The following PLAG1 variants were observed in gnomAD, a reference collection of about 807,000 sequenced individuals.
PLAG1 encodes zinc finger protein PLAG1.
Under a neutral mutation model 35.5 loss-of-function variants are expected in PLAG1, and 7 were observed. The observed-to-expected ratio is 0.20, with a 90% CI of 0.11 to 0.37. The LOEUF (loss-of-function observed/expected upper bound fraction) is 0.37. Ranked by LOEUF, PLAG1 falls within the 10% of genes least tolerant of loss-of-function variation. The pLI, the probability that PLAG1 is intolerant of heterozygous loss-of-function variation, is 1.00. For missense variants in PLAG1, 454 were observed against 602.8 expected, an observed-to-expected ratio of 0.75 and a Z score of 2.58; for synonymous variants, 229 against 225.4, an observed-to-expected ratio of 1.02 and a Z score of -0.14.
chr8:56,177,559 T>C (rs764593171), intron 2 of PLAG1, among the ~76,000 whole-genome samples: 1 of 152,162 alleles, frequency 6.6e-6, no homozygotes, highest in Non-Finnish European at 1.5e-5. Context: ...GGAAAGCTCT[T>C]CTTGAAATGA....
intron 1 of PLAG1, among the ~76,000 whole-genome samples, chr8:56,191,668 C>A (rs1243458847): frequency 5.3e-5 from 8 of 151,728 alleles, no homozygotes; most frequent in African/African-American, 1.9e-4. Context: ...AATAATTACT[C>A]CCTTAATTTA....
intron 1 of PLAG1, among the ~76,000 whole-genome samples, chr8:56,183,739 G>GT (rs1464355085): frequency 6.6e-6 from 1 of 151,922 alleles, no homozygotes; most frequent in Non-Finnish European, 1.5e-5. Context: ...CAAAAATAAT[G>GT]TTTTTTTAAC....
At position 56,171,093 on chromosome 8, in the gene PLAG1, G is replaced by T. The variant is rs1452746317; in HGVS notation, c.-120C>A. 5.5e-6 allele frequency: 5 copies of T among 910,864 alleles called. No homozygotes were observed. Among genetic ancestry groups the T allele is most frequent in the Non-Finnish European group, 6.6e-6 (5 of 761,756 alleles). 56.4% of individuals were successfully genotyped at this position (910,864 alleles called of 1,614,324 possible). ...GTGATTTTTAGTTCAATGCATACCT[G>T]ATTACTGATGGAAAAAGCCTCAGAC... On this transcript the variant is annotated splice_region_variant and 5_prime_UTR_variant, in exon 3 of 5. Coordinates refer to ENST00000316981, the MANE Select transcript of PLAG1 (RefSeq NM_002655.3).
In PLAG1 at chr8:56,167,064, G is replaced by A. The variant is rs1811380045; in HGVS notation, c.682C>T (p.Leu228=). ...TGACTCTTCTTCATATGTCGAGTCAGGTGATCCTTTCGCCCAAATCTCTGT... is the reference window on the plus strand; with the variant it reads ...TGACTCTTCTTCATATGTCGAGTCAAGTGATCCTTTCGCCCAAATCTCTGT... ...CAQRFGRKDH[L]TRHMKKSHNQ... The change falls in exon 5 of 5, where the codon CTG becomes TTG. Residue 228 remains leucine (L), a synonymous_variant. Transcript: ENST00000316981. This position sits in a 1 kb window ranked among gnomAD's most constrained non-coding sequence, Gnocchi z 5.9. The A allele has an allele frequency of 6.2e-7, 1 of 1,614,040 alleles. No individual in the cohort carries two copies. The highest frequency in any genetic ancestry group is 8.5e-7 in the Non-Finnish European group (1 of 1,179,914).
chr8:56,201,543 G>A (rs1812553993), intron 1 of PLAG1, among the ~76,000 whole-genome samples: 1 of 152,086 alleles, frequency 6.6e-6, no homozygotes, highest in Non-Finnish European at 1.5e-5. Flanking sequence ...CTCTATGCCT[G>A]AAATCTTCAT....
At chr8:56,173,768 A>G (rs536446668) in intron 2 of PLAG1, among the ~76,000 whole-genome samples, 2 of 152,214 alleles carry the variant, frequency 1.3e-5, no homozygotes, top group South Asian at 2.1e-4. Context: ...CAGAAGAAGC[A>G]ATTTTTTCCA....
At chr8:56,178,011 A>G in intron 2 of PLAG1, 2 of 982,512 alleles carry the variant, frequency 2.0e-6, no homozygotes, top group Non-Finnish European at 2.4e-6. Context: ...GCACTCAGCC[A>G]GCCTGGACGT....
intron 3 of PLAG1, among the ~76,000 whole-genome samples, chr8:56,170,204 A>T (rs1361811975): frequency 6.6e-6 from 1 of 152,258 alleles, no homozygotes; most frequent in Non-Finnish European, 1.5e-5. Context: ...AGGTAGATAC[A>T]GGCAAGGCCT....
At chr8:56,177,818 T>C (rs1811751196) in intron 2 of PLAG1, among the ~76,000 whole-genome samples, 1 of 152,060 alleles carries the variant, frequency 6.6e-6, no homozygotes, top group Non-Finnish European at 1.5e-5. Context: ...CCCAGAGAAA[T>C]ACATGGTTAG....
In PLAG1 at chr8:56,174,650, C is replaced by A. The variant is rs148075541; in HGVS notation, c.-216-3461G>T. On this transcript the variant is annotated intron_variant, in intron 2 of 4. Coordinates refer to ENST00000316981, the MANE Select transcript of PLAG1 (RefSeq NM_002655.3). ...CAAGTGCTTACCAGCATCACAATGA[C>A]CTACAGGCTTGCTTAGTCATCATAA... 2.6e-3 allele frequency among the ~76,000 whole-genome samples: 397 copies of A among 152,266 alleles called. 6 individuals are homozygous for A. The highest frequency in any genetic ancestry group is 0.025 in the Admixed American group (378 of 15,304).
intron 1 of PLAG1, chr8:56,209,273 AATGTAAC>A (rs1812780578): frequency 6.6e-6 from 1 of 152,286 alleles, no homozygotes; most frequent in South Asian, 2.1e-4. Context: ...AAAGCAAAGC[AATGTAAC>A]ATGAAAAGTT....
rs1346712761 is a variant in PLAG1 at position 56,161,753 on chromosome 8, CAG to C, written c.*4488_*4489del. On this transcript the variant is annotated 3_prime_UTR_variant, in exon 5 of 5. Coordinates refer to ENST00000316981, the MANE Select transcript of PLAG1 (RefSeq NM_002655.3). ...GATAAAAAAATACGACTGAATGAGA[CAG>C]AGAAGTTTGTAGCACCATGAAGAGT... The C allele has an allele frequency of 3.0e-5, 7 of 229,982 alleles. No homozygotes were observed. In the South Asian group the frequency reaches 1.3e-3, roughly 42 times the overall value. 14.2% of individuals were successfully genotyped at this position (229,982 alleles called of 1,614,324 possible). A position where few individuals can be genotyped will look rare whatever the true frequency, so the allele number is the denominator to read the frequency against.
intron 1 of PLAG1, among the ~76,000 whole-genome samples, chr8:56,193,080 T>C (rs1019144962): frequency 6.6e-5 from 10 of 152,188 alleles, no homozygotes; most frequent in African/African-American, 2.4e-4. Flanking sequence ...ATTTGAAAAC[T>C]CACTAGATAT....
intron 1 of PLAG1, among the ~76,000 whole-genome samples, chr8:56,181,458 A>C (rs1012587379): frequency 9.2e-5 from 14 of 152,096 alleles, no homozygotes; most frequent in African/African-American, 3.1e-4. Flanking sequence ...TCAGCAAACT[A>C]CCACAAGAAC....
Position 56,161,122 on chromosome 8 carries a change from T to C in PLAG1, c.*5121A>G, listed in dbSNP as rs1324555568. The C allele has an allele frequency of 5.3e-6, 1 of 188,230 alleles. No homozygotes were observed. Among genetic ancestry groups the C allele is most frequent in the Admixed American group, 6.2e-5 (1 of 16,222 alleles). 11.7% of individuals were successfully genotyped at this position (188,230 alleles called of 1,614,324 possible). A position where few individuals can be genotyped will look rare whatever the true frequency, so the allele number is the denominator to read the frequency against. On this transcript the variant is annotated 3_prime_UTR_variant, in exon 5 of 5. Coordinates refer to ENST00000316981, the MANE Select transcript of PLAG1 (RefSeq NM_002655.3). The stretch of plus-strand genomic sequence containing the variant: ...GTATCACTGCAGCTTCATAATGTGA[T>C]TGCTATTTTACAGAGCTTATACACA...
rs141350209 is a variant in PLAG1 at position 56,197,535 on chromosome 8, C to A, written c.-322+13586G>T. Among the ~76,000 whole-genome samples, 126 of 152,304 alleles carry A rather than the reference C, an allele frequency of 8.3e-4. 1 individual carries two copies. The highest frequency in any genetic ancestry group is 2.9e-3 in the African/African-American group (122 of 41,552). On this transcript the variant is annotated intron_variant, in intron 1 of 4. Coordinates refer to ENST00000316981, the MANE Select transcript of PLAG1 (RefSeq NM_002655.3). ...CTGTGGGTGTGAACTGGGTGTATTT[C>A]TCTCTTCTTTCTCTGTGTTTGTCTT... is the stretch of plus-strand genomic sequence containing the variant.
chr8:56,186,481 C>G lies in PLAG1; in HGVS notation c.-321-6968G>C, dbSNP rs142306310. Among the ~76,000 whole-genome samples the G allele has an allele frequency of 4.7e-3, 716 of 152,092 alleles. 11 individuals carry two copies. The highest frequency in any genetic ancestry group is 0.017 in the African/African-American group (700 of 41,482). On this transcript the variant is annotated intron_variant, in intron 1 of 4. Transcript: ENST00000316981. ...CCGCCTCCTGGGCTCAAGTGATCCT[C>G]CTACCTCAGCCTCCTGAGTAGGTAG...
intron 1 of PLAG1, among the ~76,000 whole-genome samples, chr8:56,186,621 C>G (rs1260456049): frequency 2.0e-5 from 3 of 151,720 alleles, no homozygotes; most frequent in African/African-American, 7.3e-5. Context: ...GATCTGCCAG[C>G]CTTGGCCTCT....
At chr8:56,174,831 T>C (rs1811639770) in intron 2 of PLAG1, among the ~76,000 whole-genome samples, 1 of 152,220 alleles carries the variant, frequency 6.6e-6, no homozygotes, top group Non-Finnish European at 1.5e-5. Flanking sequence ...CAGTACAGTA[T>C]AACAACTATT....
Sources: allele counts gnomAD v4.1 joint callset (sites outside exome capture counted in the v4.1 genomes callset), GRCh38; gene constraint gnomAD v4.1.1; non-coding constraint Gnocchi (gnomAD v3.1); transcripts MANE v1.5; gene names NCBI Gene and HGNC (gene_info 2026-07-23, HGNC 2026-07-21).